DGKB: variants seen among roughly 807,000 people sequenced by gnomAD.
DGKB encodes the protein 90 kDa diacylglycerol kinase.
DGKB carries 67 observed loss-of-function variants against 114.3 expected under a neutral mutation model. That is an observed-to-expected ratio of 0.59 (90% CI 0.48 to 0.72). The LOEUF (loss-of-function observed/expected upper bound fraction) is 0.72. Ranked by LOEUF, DGKB falls within the 30% of genes least tolerant of loss-of-function variation. DGKB has a pLI of 0.00. For synonymous variants in DGKB, 398 were observed against 323.1 expected, an observed-to-expected ratio of 1.23 and a Z score of -2.49; for missense variants, 907 against 975.2, an observed-to-expected ratio of 0.93 and a Z score of 0.93.
chr7:14,481,725 C>T (rs2128913043), intron 20 of DGKB, among the ~76,000 whole-genome samples: 1 of 151,776 alleles, frequency 6.6e-6, no homozygotes, highest in Non-Finnish European at 1.5e-5. Flanking sequence ...TTAGTTCTTC[C>T]TTGTTTTTGG....
At chr7:14,520,608 A>G (rs1789606515) in intron 20 of DGKB, among the ~76,000 whole-genome samples, 1 of 151,688 alleles carries the variant, frequency 6.6e-6, no homozygotes, top group Admixed American at 6.6e-5. Flanking sequence ...TATTTATTTA[A>G]TTTTTACTCT....
intron 24 of DGKB, 69 bp from the exon 25 acceptor site, chr7:14,176,968 T>C: frequency 4.4e-6 from 7 of 1,588,934 alleles, no homozygotes; most frequent in Non-Finnish European, 6.0e-6. Flanking sequence ...ATGTGAGATA[T>C]AAGATGATGA....
chr7:14,678,269 T>C (rs2128960388), intron 12 of DGKB, among the ~76,000 whole-genome samples: 1 of 152,142 alleles, frequency 6.6e-6, no homozygotes, highest in South Asian at 2.1e-4. Flanking sequence ...CAAACGATGT[T>C]AGACTATGGT....
intron 23 of DGKB, among the ~76,000 whole-genome samples, chr7:14,309,526 T>C (rs1805027121): frequency 6.6e-6 from 1 of 152,200 alleles, no homozygotes; most frequent in South Asian, 2.1e-4. Flanking sequence ...AGAACCCTGA[T>C]AGTTGTTATA....
intron 20 of DGKB, among the ~76,000 whole-genome samples, chr7:14,501,196 T>C (rs1786114904): frequency 6.6e-6 from 1 of 151,890 alleles, no homozygotes; most frequent in Admixed American, 6.6e-5. Flanking sequence ...TGTATGATTT[T>C]TGTTAAAACC....
At chr7:14,677,211 G>C (rs16878263) in intron 12 of DGKB, among the ~76,000 whole-genome samples, 3,230 of 152,086 alleles carry the variant, frequency 0.021, 108 homozygotes, top group African/African-American at 0.074. Context: ...GTTAGGAAGA[G>C]TGGCTGCGCT....
intron 2 of DGKB, among the ~76,000 whole-genome samples, 178 bp from the exon 3 acceptor site, chr7:14,757,909 T>A (rs539341008): frequency 1.2e-4 from 18 of 152,164 alleles, no homozygotes; most frequent in African/African-American, 4.3e-4. Context: ...GAAAAGAAAT[T>A]GCAAAGGAGC....
At chr7:14,553,815 T>C (rs187196830) in intron 20 of DGKB, among the ~76,000 whole-genome samples, 2,939 of 151,664 alleles carry the variant, frequency 0.019, 111 homozygotes, top group African/African-American at 0.066. Flanking sequence ...TTAATTTATA[T>C]GTTTTCATAT....
chr7:14,478,225 C>T lies in DGKB; in HGVS notation c.1771G>A (p.Asp591Asn). The change falls in exon 21 of 26, where the codon GAT becomes AAT. Residue 591 changes from aspartate (D) to asparagine (N), a missense_variant and splice_region_variant. Asp to Asn is a conservative substitution (Grantham distance 23, BLOSUM62 1). Coordinates refer to ENST00000402815, the MANE Select transcript of DGKB (RefSeq NM_001350709.2). ...TGGAATCTGTGTGCAATGGAGGCAT[C>T]CTAAGGGGAGAAAATAGAAAACAAA... is the stretch of plus-strand genomic sequence containing the variant. ...IINNYFSIGVDASIAHRFHIM... is the reference protein window; with the variant it reads ...IINNYFSIGVNASIAHRFHIM... 6.3e-7 allele frequency: 1 copy of T among 1,581,338 alleles called. No individual in the cohort carries two copies. Among genetic ancestry groups the T allele is most frequent in the Non-Finnish European group, 8.6e-7 (1 of 1,160,580 alleles).
chr7:14,835,434 A>C (rs1424351829), intron 2 of DGKB, among the ~76,000 whole-genome samples: 1 of 152,204 alleles, frequency 6.6e-6, no homozygotes, highest in African/African-American at 2.4e-5. Flanking sequence ...ACTAGCCTTC[A>C]AACCCAGTTT....
Position 14,782,843 on chromosome 7 carries a change from A to T in DGKB, c.71-25112T>A, listed in dbSNP as rs150962043. On this transcript the variant is annotated intron_variant, in intron 2 of 25. Coordinates refer to ENST00000402815, the MANE Select transcript of DGKB (RefSeq NM_001350709.2). ...CTCACATGATTATATATATATATAT[A>T]TTTTTAAGACAGATGCGGTCTTGTT... Among the ~76,000 whole-genome samples, 727 of 151,890 alleles carry T rather than the reference A, an allele frequency of 4.8e-3. 7 individuals are homozygous for T. The highest frequency in any genetic ancestry group is 0.016 in the African/African-American group (677 of 41,432).
At chr7:14,676,059 T>TA (rs1476300546) in intron 12 of DGKB, among the ~76,000 whole-genome samples, 1 of 152,126 alleles carries the variant, frequency 6.6e-6, no homozygotes, top group African/African-American at 2.4e-5. Flanking sequence ...CAGGACCACC[T>TA]ATAAAGTGTA....
At chr7:14,693,098 A>G (rs1362598290) in intron 9 of DGKB, among the ~76,000 whole-genome samples, 5 of 152,134 alleles carry the variant, frequency 3.3e-5, no homozygotes, top group Non-Finnish European at 5.9e-5. Context: ...ATCTGTAAAA[A>G]TATTTCAGCT....
intron 21 of DGKB, among the ~76,000 whole-genome samples, chr7:14,463,855 T>C (rs1057049442): frequency 2.6e-5 from 4 of 152,178 alleles, no homozygotes; most frequent in African/African-American, 9.6e-5. Context: ...ATCTGGAACA[T>C]ACCCCAGCCT....
intron 23 of DGKB, among the ~76,000 whole-genome samples, chr7:14,308,382 A>G (rs1804828621): frequency 6.6e-6 from 1 of 152,128 alleles, no homozygotes; most frequent in Non-Finnish European, 1.5e-5. Context: ...TATAATGATT[A>G]TGAAATTAAA....
chr7:14,942,445 G>A (rs36883), intron 1 of DGKB, among the ~76,000 whole-genome samples: 82,914 of 151,526 alleles, frequency 0.55, 24,795 homozygotes, highest in East Asian at 0.88. Context: ...AATATTAATC[G>A]CTTAACCTTA....
chr7:14,413,051 A>C (rs563581947), intron 21 of DGKB, among the ~76,000 whole-genome samples: 10 of 152,080 alleles, frequency 6.6e-5, no homozygotes, highest in Middle Eastern at 3.4e-3. Flanking sequence ...GAGAGATGAC[A>C]GCAGCCTGGA....
intron 2 of DGKB, among the ~76,000 whole-genome samples, chr7:14,785,145 CTTATT>C (rs1175881194): frequency 6.6e-6 from 1 of 151,906 alleles, no homozygotes; most frequent in African/African-American, 2.4e-5. Context: ...ACATTTTACA[CTTATT>C]TTATCACATG....
intron 25 of DGKB, among the ~76,000 whole-genome samples, chr7:14,158,721 G>C (rs1783414220): frequency 6.6e-6 from 1 of 152,144 alleles, no homozygotes; most frequent in African/African-American, 2.4e-5. Flanking sequence ...TGAATAGGGA[G>C]AATAATTCAG....
Sources: gnomAD v4.1 joint callset for allele counts (sites outside exome capture counted in the v4.1 genomes callset) on GRCh38, gnomAD v4.1.1 for gene constraint, MANE v1.5 for transcripts, NCBI Gene and HGNC (gene_info 2026-07-23, HGNC 2026-07-21) for gene names.